Variants in GPC5 observed in about 807,000 individuals in gnomAD.
The protein encoded by GPC5 is glypican 5.
A neutral mutation model predicts 53.9 loss-of-function variants in GPC5; 47 were observed. The observed-to-expected ratio is 0.87, with a 90% CI of 0.69 to 1.11. The LOEUF (loss-of-function observed/expected upper bound fraction) is 1.11. Ranked by LOEUF, GPC5 falls within the 50% of genes most tolerant of loss-of-function variation. The pLI, the probability that GPC5 is intolerant of heterozygous loss-of-function variation, is 0.00. For synonymous variants in GPC5, 286 were observed against 263.3 expected, an observed-to-expected ratio of 1.09 and a Z score of -0.84; for missense variants, 748 against 713.1, an observed-to-expected ratio of 1.05 and a Z score of -0.56.
chr13:92,609,431 AG>A (rs1884363494), intron 7 of GPC5, among the ~76,000 whole-genome samples: 1 of 152,212 alleles, frequency 6.6e-6, no homozygotes, highest in Admixed American at 6.5e-5. Context: ...TCTAAAGAAA[AG>A]TAAAAGGAAA....
intron 2 of GPC5, among the ~76,000 whole-genome samples, chr13:91,627,951 G>A (rs9583949): frequency 0.1 from 15,793 of 152,098 alleles, 1,245 homozygotes; most frequent in South Asian, 0.23. Context: ...AAGGGAAACT[G>A]TTTGTTCCCA....
chr13:91,831,381 TC>T (rs2138855484), intron 5 of GPC5, among the ~76,000 whole-genome samples: 1 of 151,962 alleles, frequency 6.6e-6, no homozygotes, highest in Non-Finnish European at 1.5e-5. Context: ...GGATCTGCCT[TC>T]CCCAGCCCAC....
chr13:92,726,044 CA>C (rs1888636904), intron 7 of GPC5, among the ~76,000 whole-genome samples: 1 of 151,422 alleles, frequency 6.6e-6, no homozygotes, highest in Non-Finnish European at 1.5e-5. Context: ...TATTCTCTGC[CA>C]AAAGTCACAT....
intron 6 of GPC5, among the ~76,000 whole-genome samples, chr13:92,042,894 G>A (rs1430648816): frequency 6.6e-6 from 1 of 152,146 alleles, no homozygotes; most frequent in African/African-American, 2.4e-5. Flanking sequence ...CTCATCAAAT[G>A]CAGAATATTT....
At chr13:91,572,185 G>GTA (rs1566517450) in intron 2 of GPC5, among the ~76,000 whole-genome samples, 1,565 of 64,484 alleles carry the variant, frequency 0.024, 201 homozygotes, top group African/African-American at 0.046. Flanking sequence ...ATATACGTGT[G>GTA]TATACACACA....
intron 7 of GPC5, among the ~76,000 whole-genome samples, chr13:92,824,832 G>T (rs770563155): frequency 6.6e-5 from 10 of 151,256 alleles, no homozygotes; most frequent in South Asian, 2.1e-4. Context: ...ATATTTATCT[G>T]GAAGAAAAAA....
chr13:92,524,688 A>G (rs2138974809), intron 7 of GPC5, among the ~76,000 whole-genome samples: 1 of 152,242 alleles, frequency 6.6e-6, no homozygotes, highest in Non-Finnish European at 1.5e-5. Flanking sequence ...AGCCAGACAG[A>G]AAGTTGTATA....
At chr13:92,525,873 C>T (rs183419463) in intron 7 of GPC5, among the ~76,000 whole-genome samples, 40 of 152,218 alleles carry the variant, frequency 2.6e-4, no homozygotes, top group Non-Finnish European at 4.9e-4. Flanking sequence ...TTTCCCTTAT[C>T]AACTCCTTTC....
intron 2 of GPC5, among the ~76,000 whole-genome samples, chr13:91,479,976 G>C (rs772469161): frequency 6.6e-6 from 1 of 152,128 alleles, no homozygotes; most frequent in Non-Finnish European, 1.5e-5. Flanking sequence ...TACCAAATTA[G>C]AAATAAGTAT....
chr13:92,840,324 T>C (rs893908231), intron 7 of GPC5, among the ~76,000 whole-genome samples: 1 of 151,826 alleles, frequency 6.6e-6, no homozygotes, highest in African/African-American at 2.4e-5. Flanking sequence ...TTGGCTATTG[T>C]GAATAGTGCT....
At chr13:91,954,943 CAACA>C (rs1443000056) in intron 6 of GPC5, among the ~76,000 whole-genome samples, 1 of 151,828 alleles carries the variant, frequency 6.6e-6, no homozygotes, top group African/African-American at 2.4e-5. Context: ...TCCTCATTTC[CAACA>C]ACATACTTTT....
At chr13:91,598,166 A>G (rs907287112) in intron 2 of GPC5, among the ~76,000 whole-genome samples, 2 of 152,140 alleles carry the variant, frequency 1.3e-5, no homozygotes, top group African/African-American at 4.8e-5. Context: ...CAAAACTTAA[A>G]TTATGAATGA....
In GPC5 at chr13:92,753,998, A is replaced by G. The variant is rs558956698; in HGVS notation, c.1562-112284A>G. 2.9e-3 allele frequency among the ~76,000 whole-genome samples: 437 copies of G among 152,246 alleles called. 2 individuals are homozygous for G. Among genetic ancestry groups the G allele is most frequent in the African/African-American group, 9.6e-3 (400 of 41,544 alleles). Reference sequence around the variant, plus strand: ...AGAGAACGCCACAAAGATACTCCTCAAGAAGAGCAACTCCAAGACACATAA... The same window carrying G: ...AGAGAACGCCACAAAGATACTCCTCGAGAAGAGCAACTCCAAGACACATAA... On this transcript the variant is annotated intron_variant, in intron 7 of 7. Transcript: ENST00000377067.
At chr13:91,535,942 TAATG>T (rs1223544217) in intron 2 of GPC5, among the ~76,000 whole-genome samples, 1 of 152,228 alleles carries the variant, frequency 6.6e-6, no homozygotes, top group East Asian at 1.9e-4. Context: ...AATAAATAGC[TAATG>T]CTATTTTCTT....
At chr13:91,814,601 C>T (rs1293929227) in intron 5 of GPC5, among the ~76,000 whole-genome samples, 4 of 152,052 alleles carry the variant, frequency 2.6e-5, no homozygotes, top group Admixed American at 2.0e-4. Flanking sequence ...AGTACAATGG[C>T]GTGATCTCAG....
intron 7 of GPC5, among the ~76,000 whole-genome samples, chr13:92,787,876 CAAAA>C (rs11346705): frequency 2.3e-5 from 2 of 85,972 alleles, no homozygotes; most frequent in Non-Finnish European, 4.5e-5. Context: ...GACCCTGTCT[CAAAA>C]AAAAAAAAAA....
chr13:92,166,016 T>C (rs1208837406), intron 7 of GPC5, among the ~76,000 whole-genome samples: 1 of 152,164 alleles, frequency 6.6e-6, no homozygotes, highest in Non-Finnish European at 1.5e-5. Flanking sequence ...AAAACTTCAC[T>C]CTATATTTTA....
intron 4 of GPC5, among the ~76,000 whole-genome samples, chr13:91,751,813 T>C (rs1167599271): frequency 6.6e-6 from 1 of 152,232 alleles, no homozygotes; most frequent in African/African-American, 2.4e-5. Flanking sequence ...TTTTTCTTTT[T>C]TGGAATCTCT....
intron 7 of GPC5, among the ~76,000 whole-genome samples, chr13:92,222,635 C>A (rs2042458037): frequency 6.6e-6 from 1 of 151,968 alleles, no homozygotes; most frequent in Non-Finnish European, 1.5e-5. Context: ...CTTTGTTTTT[C>A]TTTGGGGTGT....
Sources: gnomAD v4.1 joint callset for allele counts (sites outside exome capture counted in the v4.1 genomes callset) on GRCh38, gnomAD v4.1.1 for gene constraint, MANE v1.5 for transcripts, NCBI Gene and HGNC (gene_info 2026-07-23, HGNC 2026-07-21) for gene names.